The following DSCAML1 variants were observed in gnomAD, a reference collection of about 807,000 sequenced individuals.
DSCAML1 encodes cell adhesion molecule DSCAML1.
DSCAML1 carries 38 observed loss-of-function variants against 200.5 expected under a neutral mutation model. The ratio of observed to expected loss-of-function variants is 0.19; its 90% confidence interval spans 0.15 to 0.25. The LOEUF (loss-of-function observed/expected upper bound fraction) is 0.25. Ranked by LOEUF, DSCAML1 falls within the 10% of genes least tolerant of loss-of-function variation. The pLI, the probability that DSCAML1 is intolerant of heterozygous loss-of-function variation, is 1.00. For missense variants in DSCAML1, 2,223 were observed against 2,858.8 expected (o/e 0.78, Z 5.07); for synonymous variants, 1,215 against 1,165.0 (o/e 1.04, Z -0.87).
intron 3 of DSCAML1, among the ~76,000 whole-genome samples, chr11:117,753,329 C>T (rs2054632726): frequency 6.6e-6 from 1 of 152,146 alleles, no homozygotes; most frequent in Non-Finnish European, 1.5e-5. Flanking sequence ...AGGCCTGGGG[C>T]TGAGTGGTCC....
chr11:117,553,290 A>G (rs576390), intron 3 of DSCAML1, among the ~76,000 whole-genome samples: 97,846 of 152,118 alleles, frequency 0.64, 32,023 homozygotes, highest in East Asian at 0.85. Context: ...TAAATTGGAC[A>G]TCATCAACAT....
intron 1 of DSCAML1, among the ~76,000 whole-genome samples, chr11:117,802,728 G>T (rs1258326960): frequency 6.6e-6 from 1 of 152,154 alleles, no homozygotes; most frequent in Non-Finnish European, 1.5e-5. Flanking sequence ...CTTCACAGTT[G>T]TCATCTTGAC....
intron 3 of DSCAML1, among the ~76,000 whole-genome samples, chr11:117,643,990 A>C (rs1404168450): frequency 6.6e-6 from 1 of 152,232 alleles, no homozygotes; most frequent in Non-Finnish European, 1.5e-5. Context: ...AGGCCCCCTC[A>C]GTCCATAAAA....
intron 3 of DSCAML1, among the ~76,000 whole-genome samples, chr11:117,672,005 G>A (rs1440140043): frequency 1.3e-5 from 2 of 150,954 alleles, no homozygotes; most frequent in Non-Finnish European, 2.9e-5. Context: ...GGAGGGTGAG[G>A]CAGGAGAATG....
At chr11:117,789,065 C>G (rs1328025663) in intron 1 of DSCAML1, among the ~76,000 whole-genome samples, 1 of 152,214 alleles carries the variant, frequency 6.6e-6, no homozygotes, top group African/African-American at 2.4e-5. Flanking sequence ...ATTTCCAATC[C>G]CCATGCAAAG....
At chr11:117,564,631 C>A (rs1444673876) in intron 3 of DSCAML1, among the ~76,000 whole-genome samples, 1 of 151,800 alleles carries the variant, frequency 6.6e-6, no homozygotes, top group East Asian at 1.9e-4. Context: ...CTGCTCAAAC[C>A]TCTCTCTCTC....
At chr11:117,711,107 G>C (rs1416812579) in intron 3 of DSCAML1, among the ~76,000 whole-genome samples, 1 of 152,156 alleles carries the variant, frequency 6.6e-6, no homozygotes, top group African/African-American at 2.4e-5. Flanking sequence ...CCCCAGAGGA[G>C]CCTCCCAGGA....
chr11:117,486,309 T>TGGC (rs1565731058), intron 11 of DSCAML1, among the ~76,000 whole-genome samples: 3 of 130,002 alleles, frequency 2.3e-5, no homozygotes, highest in Admixed American at 8.0e-5. Flanking sequence ...GTGAAAGTAG[T>TGGC]GGATGTGAAA....
intron 22 of DSCAML1, among the ~76,000 whole-genome samples, 184 bp from the exon 23 acceptor site, chr11:117,439,613 G>A (rs1198566689): frequency 2.6e-5 from 4 of 152,084 alleles, no homozygotes; most frequent in Non-Finnish European, 2.9e-5. Context: ...TTAACCATCC[G>A]GGGAAGGGAG....
At chr11:117,761,695 A>T (rs1180484823) in intron 3 of DSCAML1, among the ~76,000 whole-genome samples, 1 of 152,192 alleles carries the variant, frequency 6.6e-6, no homozygotes, top group African/African-American at 2.4e-5. Context: ...ACATAGTGAG[A>T]TCCTGTCTCT....
At chr11:117,534,480 C>T (rs1228015563) in intron 3 of DSCAML1, among the ~76,000 whole-genome samples, 1 of 152,196 alleles carries the variant, frequency 6.6e-6, no homozygotes, top group East Asian at 1.9e-4. Context: ...TCTGTGTGTC[C>T]TGCTTTGACT....
At chr11:117,709,533 G>A (rs144118391) in intron 3 of DSCAML1, among the ~76,000 whole-genome samples, 62 of 152,190 alleles carry the variant, frequency 4.1e-4, no homozygotes, top group African/African-American at 1.3e-3. Context: ...TATGAATTGC[G>A]GGGGTTGGGG....
At chr11:117,743,804 C>T (rs2054466738) in intron 3 of DSCAML1, among the ~76,000 whole-genome samples, 1 of 152,208 alleles carries the variant, frequency 6.6e-6, no homozygotes, top group African/African-American at 2.4e-5. Flanking sequence ...CCCACAAACA[C>T]ACCCGCAGCC....
At chr11:117,515,928 GGCTTTTAA>G (rs990347892) in intron 8 of DSCAML1, among the ~76,000 whole-genome samples, 4 of 152,072 alleles carry the variant, frequency 2.6e-5, no homozygotes, top group Non-Finnish European at 4.4e-5. Flanking sequence ...TGAGGGAGGA[GGCTTTTAA>G]GCACCACACA....
At chr11:117,566,711 A>ATCCCCC (rs2050763977) in intron 3 of DSCAML1, among the ~76,000 whole-genome samples, 1 of 149,720 alleles carries the variant, frequency 6.7e-6, no homozygotes, top group African/African-American at 2.5e-5. Flanking sequence ...TATATCTCCC[A>ATCCCCC]ATGCTATCCC....
intron 3 of DSCAML1, among the ~76,000 whole-genome samples, chr11:117,757,864 C>A (rs1273689697): frequency 6.6e-6 from 1 of 152,054 alleles, no homozygotes; most frequent in Non-Finnish European, 1.5e-5. Context: ...GTGGTGAATG[C>A]CTGTAATCTC....
At chr11:117,762,868 GTAATAATAATAA>G (rs58166401) in intron 3 of DSCAML1, among the ~76,000 whole-genome samples, 8,474 of 146,632 alleles carry the variant, frequency 0.058, 348 homozygotes, top group African/African-American at 0.099. Context: ...GTCTCAAATA[GTAATAATAATAA>G]TAATAATAAT....
intron 3 of DSCAML1, among the ~76,000 whole-genome samples, chr11:117,582,070 T>TCAA (rs2051049138): frequency 6.6e-6 from 1 of 152,158 alleles, no homozygotes; most frequent in African/African-American, 2.4e-5. Flanking sequence ...GGACATGCAT[T>TCAA]TGAGGACACA....
chr11:117,705,909 G>A (rs561130780), intron 3 of DSCAML1, among the ~76,000 whole-genome samples: 1 of 152,324 alleles, frequency 6.6e-6, no homozygotes, highest in East Asian at 1.9e-4. Context: ...CTTGCAAGAA[G>A]TGCCTTGTCC....
Sources: gnomAD v4.1 joint callset for allele counts (sites outside exome capture counted in the v4.1 genomes callset) on GRCh38, gnomAD v4.1.1 for gene constraint, MANE v1.5 for transcripts, NCBI Gene and HGNC (gene_info 2026-07-23, HGNC 2026-07-21) for gene names.